Variants in LMTK3 observed in about 807,000 individuals in gnomAD.
The protein encoded by LMTK3 is lemur tail kinase 3.
LMTK3 carries 27 observed loss-of-function variants against 116.7 expected under a neutral mutation model. The observed-to-expected ratio is 0.23, with a 90% CI of 0.17 to 0.32. LMTK3 has a LOEUF of 0.32. Among genes scored for constraint, LMTK3 ranks in the 10% least tolerant of loss-of-function variants. The pLI is 1.00. For synonymous variants in LMTK3, 965 were observed against 971.0 expected (o/e 0.99, Z 0.11); for missense variants, 1,764 against 2,068.5 (o/e 0.85, Z 2.86).
chr19:48,513,491 C>A, upstream of LMTK3: 1 of 347,276 alleles, frequency 2.9e-6, no homozygotes, highest in Non-Finnish European at 5.3e-6. This position sits in a 1 kb window ranked among gnomAD's most constrained non-coding sequence, Gnocchi z 5.6. Flanking sequence ...CGTGCCAGGC[C>A]GCCGCCGTCT....
Position 48,491,578 on chromosome 19 carries a change from C to T in LMTK3, c.4093-39G>A, listed in dbSNP as rs972387442. On this transcript the variant is annotated intron_variant, in intron 12 of 14. Coordinates refer to ENST00000600059, the MANE Select transcript of LMTK3 (RefSeq NM_001388485.1). The surrounding 1 kb of genome is among the most constrained non-coding windows in gnomAD (Gnocchi z 5.1). The stretch of plus-strand genomic sequence containing the variant: ...TTAGGGGGAAGCCAGAGGGGACAAA[C>T]CTTCACGTCCCATTTACCGCATCCC... The T allele has an allele frequency of 1.5e-6, 2 of 1,309,244 alleles. No individual in the cohort carries two copies. The highest frequency in any genetic ancestry group is 2.0e-6 in the Non-Finnish European group (2 of 1,020,310). 81.1% of individuals were successfully genotyped at this position (1,309,244 alleles called of 1,614,324 possible).
At chr19:48,510,215 C>A (rs1295730105) in intron 2 of LMTK3, 42 bp from the exon 3 acceptor site, 1 of 1,585,404 alleles carries the variant, frequency 6.3e-7, no homozygotes. Context: ...GAACGCAGGG[C>A]TGAGAGACAC....
intron 14 of LMTK3, among the ~76,000 whole-genome samples, chr19:48,487,454 T>C (rs1203223168): frequency 6.6e-6 from 1 of 152,092 alleles, no homozygotes; most frequent in Admixed American, 6.5e-5. Context: ...GAATTACAGG[T>C]GTGAGCCACC....
chr19:48,487,364 C>T (rs1010322851), intron 14 of LMTK3, among the ~76,000 whole-genome samples: 6 of 151,988 alleles, frequency 3.9e-5, no homozygotes, highest in African/African-American at 7.3e-5. Context: ...TTCATACAGA[C>T]GGGGTTTCAC....
In LMTK3 at chr19:48,507,101, C is replaced by T. The variant is rs968773380; in HGVS notation, c.557+1750G>A. Among the ~76,000 whole-genome samples the T allele has an allele frequency of 4.6e-5, 7 of 152,306 alleles. No individual in the cohort carries two copies. In the South Asian group the frequency reaches 1.0e-3, roughly 23 times the overall value. ...GCCCGACAAAGTGTTCATGAAGCTC[C>T]TGCCATGTGTGGGGCTTCAACAGTG... On this transcript the variant is annotated intron_variant, in intron 5 of 14. Coordinates refer to ENST00000600059, the MANE Select transcript of LMTK3 (RefSeq NM_001388485.1).
At chr19:48,503,067 G>T in intron 5 of LMTK3, 71 bp from the exon 6 acceptor site, 2 of 867,470 alleles carry the variant, frequency 2.3e-6, no homozygotes, top group Non-Finnish European at 3.8e-6. Context: ...ACCCCCAGCA[G>T]AACCAAACTG....
In LMTK3 at chr19:48,485,687, G is replaced by C; in HGVS notation, c.*86C>G. ...GGGCCTCCCCAGAGGCGGCGTCTGCGGTGGTGGCAGTGGCGCCGTCATCCA... is the reference window on the plus strand; with the variant it reads ...GGGCCTCCCCAGAGGCGGCGTCTGCCGTGGTGGCAGTGGCGCCGTCATCCA... On this transcript the variant is annotated 3_prime_UTR_variant, in exon 15 of 15. Transcript: ENST00000600059. 1 of 1,457,458 alleles carries C rather than the reference G, an allele frequency of 6.9e-7. No individual in the cohort carries two copies. 90.3% of individuals were successfully genotyped at this position (1,457,458 alleles called of 1,614,324 possible).
Position 48,509,518 on chromosome 19 carries a change from G to A in LMTK3, c.362-5C>T, listed in dbSNP as rs973348004. 5.8e-6 allele frequency: 9 copies of A among 1,549,472 alleles called. No homozygotes were observed. The highest frequency in any genetic ancestry group is 2.4e-5 in the South Asian group (2 of 83,460). ...GGCCCAGGGGGGTGGTCATGTCTGG[G>A]GAGGGCAAGAGGGGAAAGCCCCTGA... is the stretch of plus-strand genomic sequence containing the variant. On this transcript the variant is annotated splice_region_variant and splice_polypyrimidine_tract_variant and intron_variant, in intron 3 of 14. Transcript: ENST00000600059.
At chr19:48,493,310 C>T (rs1437159268) in intron 12 of LMTK3, among the ~76,000 whole-genome samples, 2 of 150,052 alleles carry the variant, frequency 1.3e-5, no homozygotes. Flanking sequence ...CGACCTCCCT[C>T]CAGGCCCCGC....
chr19:48,492,952 C>G (rs546227357), intron 12 of LMTK3, among the ~76,000 whole-genome samples: 2 of 150,406 alleles, frequency 1.3e-5, no homozygotes, highest in South Asian at 4.2e-4. Context: ...TGCCCTCACA[C>G]TCAAAGCCTC....
intron 5 of LMTK3, among the ~76,000 whole-genome samples, chr19:48,506,688 G>A (rs1002908943): frequency 3.3e-5 from 5 of 152,138 alleles, no homozygotes; most frequent in African/African-American, 1.2e-4. Context: ...TATTGTTGTT[G>A]TTTTCTCACG....
rs370560246 is a variant in LMTK3, at chr19:48,498,187, T to A, written c.2882A>T (p.Asn961Ile). Residue 961 changes from asparagine to isoleucine, a missense_variant, in exon 11 of 15, where the codon AAT (asparagine) becomes ATT (isoleucine). By Grantham distance (149) the Asn-to-Ile change is moderately radical (BLOSUM62 -3). Around this residue, in one of 7 missense-constraint regions of LMTK3, gnomAD observed 1,028 missense variants for 1,050.6 expected, o/e 0.98. Coordinates refer to ENST00000600059, the MANE Select transcript of LMTK3 (RefSeq NM_001388485.1). Reference protein sequence around the residue: ...SPEREEKVLENGELTPPRREE... With the variant: ...SPEREEKVLEIGELTPPRREE... ...CCTCCTTGGGGGTGTCAGCTCCCCA[T>A]TCTCCAGCACTTTCTCTTCTCTCTC... 2 of 1,613,350 alleles carry A rather than the reference T, an allele frequency of 1.2e-6. No individual in the cohort carries two copies.
At chr19:48,489,889 C>G (rs954930114) in intron 14 of LMTK3, among the ~76,000 whole-genome samples, 2 of 152,190 alleles carry the variant, frequency 1.3e-5, no homozygotes, top group East Asian at 3.8e-4. Context: ...CCTGTCCTGC[C>G]GAGCTGGGCA....
In LMTK3 at chr19:48,485,609, G is replaced by A; in HGVS notation, c.*164C>T. The A allele has an allele frequency of 1.4e-6, 1 of 698,410 alleles. No individual in the cohort carries two copies. The highest frequency in any genetic ancestry group is 2.3e-6 in the Non-Finnish European group (1 of 428,998). 43.3% of individuals were successfully genotyped at this position (698,410 alleles called of 1,614,324 possible). A position where few individuals can be genotyped will look rare whatever the true frequency, so the allele number is the denominator to read the frequency against. On this transcript the variant is annotated 3_prime_UTR_variant, in exon 15 of 15. Transcript: ENST00000600059. ...GGGGGCTGGGGGGCGGGGGCCCGGG[G>A]CCTCCCGTTTGGCACATGGTAGGGG...
chr19:48,492,348 C>G (rs911254309), intron 12 of LMTK3, among the ~76,000 whole-genome samples: 2 of 152,180 alleles, frequency 1.3e-5, no homozygotes, highest in Non-Finnish European at 2.9e-5. Context: ...ACCACCACAC[C>G]AAGATAATTT....
chr19:48,510,874 A>G (rs1972647015), intron 1 of LMTK3, among the ~76,000 whole-genome samples: 1 of 152,150 alleles, frequency 6.6e-6, no homozygotes, highest in South Asian at 2.1e-4. Context: ...ATGAATTCCA[A>G]TGAGGGTTGA....
chr19:48,490,678 T>C (rs1024282602), intron 14 of LMTK3, among the ~76,000 whole-genome samples: 2 of 152,106 alleles, frequency 1.3e-5, no homozygotes, highest in Admixed American at 1.3e-4. Flanking sequence ...CCCCCAGCTG[T>C]GTCCTCCCTG....
intron 5 of LMTK3, among the ~76,000 whole-genome samples, chr19:48,506,269 A>AG (rs1165006574): frequency 6.6e-6 from 1 of 151,848 alleles, no homozygotes; most frequent in African/African-American, 2.4e-5. Context: ...AAAAAAAAAA[A>AG]AAAGTATTTA....
At position 48,498,964 on chromosome 19, in the gene LMTK3, TG is replaced by T; in HGVS notation, c.2104del (p.His702ThrfsTer156). 8.8e-7 allele frequency: 1 copy of T among 1,132,346 alleles called. No individual in the cohort carries two copies. The highest frequency in any genetic ancestry group is 3.1e-5 in the South Asian group (1 of 31,746). 70.1% of individuals were successfully genotyped at this position (1,132,346 alleles called of 1,614,324 possible). The part of the protein sequence containing the change: ...WGGHPALGCP[H>X]PPEDDSSLRA... ...CAGCGAGGAGTCGTCCTCGGGGGGG[TG>T]GGGGCAGCCAAGAGCAGGGTGGCCT... On this transcript the variant is annotated frameshift_variant, in exon 11 of 15. Transcript: ENST00000600059. LOFTEE classifies it high-confidence loss of function.
Sources: gnomAD v4.1 joint callset for allele counts (sites outside exome capture counted in the v4.1 genomes callset) on GRCh38, gnomAD v4.1.1 for gene constraint, gnomAD v4.1.1 regional missense constraint, Gnocchi (gnomAD v3.1) non-coding constraint, MANE v1.5 for transcripts, NCBI Gene and HGNC (gene_info 2026-07-23, HGNC 2026-07-21) for gene names.